Variants in SPTBN1 observed in about 807,000 individuals in gnomAD.
SPTBN1 encodes spectrin beta, non-erythrocytic 1, also known as spectrin beta chain, non-erythrocytic 1.
Under a neutral mutation model 266.4 loss-of-function variants are expected in SPTBN1, and 32 were observed. The observed-to-expected ratio is 0.12, with a 90% CI of 0.09 to 0.16. The LOEUF (loss-of-function observed/expected upper bound fraction) is 0.16, where lower values mean the gene tolerates loss of function less well. Among genes scored for constraint, SPTBN1 ranks in the 10% least tolerant of loss-of-function variants. The probability of loss-of-function intolerance (pLI) is 1.00; values close to 1 mark genes in which losing one functional copy is unlikely to be tolerated. For missense variants in SPTBN1, 2,296 were observed against 3,067.1 expected (o/e 0.75, Z 5.94); for synonymous variants, 1,336 against 1,162.2 (o/e 1.15, Z -3.04).
At chr2:54,592,295 ATGG>A (rs1427146522) in intron 2 of SPTBN1, among the ~76,000 whole-genome samples, 1 of 152,244 alleles carries the variant, frequency 6.6e-6, no homozygotes, top group Non-Finnish European at 1.5e-5. Flanking sequence ...GAAGAGGATG[ATGG>A]TGGAGAGGAT....
At chr2:54,524,788 C>T (rs747093222) in intron 1 of SPTBN1, among the ~76,000 whole-genome samples, 1 of 152,310 alleles carries the variant, frequency 6.6e-6, no homozygotes, top group African/African-American at 2.4e-5. Context: ...TTGAACTTGC[C>T]GTTCCTCCTG....
intron 1 of SPTBN1, among the ~76,000 whole-genome samples, chr2:54,483,334 T>G (rs1668193123): frequency 6.6e-6 from 1 of 152,218 alleles, no homozygotes; most frequent in Admixed American, 6.5e-5. Context: ...TGTTCCATGT[T>G]TGTTCAGACA....
rs376808829 is a variant in SPTBN1 at position 54,629,281 on chromosome 2, G to A, written c.2147G>A (p.Arg716His). 181 of 1,613,948 alleles carry A rather than the reference G, an allele frequency of 1.1e-4. No individual in the cohort carries two copies. The highest frequency in any genetic ancestry group is 1.5e-4 in the Non-Finnish European group (172 of 1,180,054). ...GAGCACTTCGGGTCGGAGAAGATCC[G>A]TGAGAGGATCATTTACATCCGGGAG... ...AEEHFGSEKI[R>H]ERIIYIREQW... Residue 716 changes from arginine to histidine, a missense_variant, in exon 14 of 36, where the codon CGT (arginine) becomes CAT (histidine). Physicochemically the swap from Arg to His is conservative, Grantham distance 29 (BLOSUM62 0). Coordinates refer to ENST00000356805, the MANE Select transcript of SPTBN1 (RefSeq NM_003128.3).
In SPTBN1 at chr2:54,653,575, G is replaced by A. The variant is rs772489734; in HGVS notation, c.5578-34G>A. ...GGTGATGGTGGGAAGGCCGCCATGG[G>A]CTGACCTGGCTCATCCCCTACATGG... On this transcript the variant is annotated intron_variant, in intron 26 of 35. Transcript: ENST00000356805. The surrounding 1 kb of genome is among the most constrained non-coding windows in gnomAD (Gnocchi z 5.1). The A allele has an allele frequency of 3.1e-6, 5 of 1,605,706 alleles. No homozygotes were observed. The Admixed American group carries it at 8.7e-5, about 28-fold the overall frequency.
chr2:54,652,544 A>T (rs1340508837), intron 26 of SPTBN1: 3 of 152,230 alleles, frequency 2.0e-5, no homozygotes, highest in African/African-American at 7.2e-5. Context: ...GCAGTAAATA[A>T]TCTATGCATA....
rs550973670 is a variant in SPTBN1 at position 54,638,125 on chromosome 2, G to A, written c.3858+322G>A. ...ACTATAATTACATAAAACTAAGAGC[G>A]TGGTTCTTCCATCACTAGCTGTATT... On this transcript the variant is annotated intron_variant, in intron 18 of 35. Transcript: ENST00000356805. Among the ~76,000 whole-genome samples the A allele has an allele frequency of 5.3e-5, 8 of 152,310 alleles. No homozygotes were observed. The South Asian group carries it at 1.2e-3, about 24-fold the overall frequency.
At position 54,612,299 on chromosome 2, in the gene SPTBN1, C is replaced by T. The variant is rs1405074069; in HGVS notation, c.439C>T (p.Leu147Phe). The change falls in exon 4 of 36, where the codon CTT becomes TTT. Residue 147 changes from leucine to phenylalanine, a missense_variant. Around this residue, in one of 12 missense-constraint regions of SPTBN1, gnomAD observed 178 missense variants for 375.7 expected, o/e 0.47. Coordinates refer to ENST00000356805, the MANE Select transcript of SPTBN1 (RefSeq NM_003128.3). ...DIVDGNHRLT[L>F]GLIWTIILRF... is the part of the protein sequence containing the mutation. Reference sequence around the variant, plus strand: ...CGTGGATGGAAACCACCGGCTGACCCTTGGCCTCATCTGGACCATCATCCT... The same window carrying T: ...CGTGGATGGAAACCACCGGCTGACCTTTGGCCTCATCTGGACCATCATCCT... 6.2e-7 allele frequency: 1 copy of T among 1,613,918 alleles called. No individual in the cohort carries two copies.
chr2:54,557,180 G>C (rs1438061072), intron 2 of SPTBN1, among the ~76,000 whole-genome samples: 1 of 152,196 alleles, frequency 6.6e-6, no homozygotes, highest in Non-Finnish European at 1.5e-5. Flanking sequence ...GCTAGGCTCT[G>C]GGTTTAATTC....
chr2:54,618,610 G>T (rs1431607031), intron 7 of SPTBN1, among the ~76,000 whole-genome samples: 1 of 152,238 alleles, frequency 6.6e-6, no homozygotes, highest in Non-Finnish European at 1.5e-5. Flanking sequence ...TGTGCTCGAA[G>T]TAGAAAAGTA....
chr2:54,579,944 T>C (rs1297630443), intron 2 of SPTBN1, among the ~76,000 whole-genome samples: 1 of 152,236 alleles, frequency 6.6e-6, no homozygotes, highest in Non-Finnish European at 1.5e-5. Flanking sequence ...CTCTCCTTTC[T>C]GAGGGTAAAA....
At chr2:54,586,789 C>G (rs192858023) in intron 2 of SPTBN1, among the ~76,000 whole-genome samples, 1 of 152,106 alleles carries the variant, frequency 6.6e-6, no homozygotes, top group South Asian at 2.1e-4. Context: ...GGAGAGCTGT[C>G]GGAAACTGTC....
At chr2:54,531,478 C>A (rs564652113) in intron 2 of SPTBN1, among the ~76,000 whole-genome samples, 33 of 152,090 alleles carry the variant, frequency 2.2e-4, no homozygotes, top group Non-Finnish European at 2.6e-4. Flanking sequence ...GGCTAGAGTA[C>A]AGTGGTAGAG....
intron 3 of SPTBN1, among the ~76,000 whole-genome samples, chr2:54,605,725 T>C (rs1035504081): frequency 6.6e-6 from 1 of 152,232 alleles, no homozygotes; most frequent in Non-Finnish European, 1.5e-5. Context: ...GAACACACGT[T>C]GTGGGAGTGT....
intron 3 of SPTBN1, among the ~76,000 whole-genome samples, chr2:54,611,447 T>A (rs1677205529): frequency 6.6e-6 from 1 of 152,154 alleles, no homozygotes; most frequent in Admixed American, 6.5e-5. Flanking sequence ...GATGTATATA[T>A]ACACATATGC....
chr2:54,481,105 T>C (rs1312064208), intron 1 of SPTBN1, among the ~76,000 whole-genome samples: 1 of 151,908 alleles, frequency 6.6e-6, no homozygotes, highest in African/African-American at 2.4e-5. Context: ...CCCAGGAGTT[T>C]GAGGCCAGCC....
At chr2:54,633,685 CCCTT>C (rs1367372113) in intron 17 of SPTBN1, among the ~76,000 whole-genome samples, 1 of 152,182 alleles carries the variant, frequency 6.6e-6, no homozygotes. Flanking sequence ...AAAAAACAAG[CCCTT>C]CCTTTCTGCC....
intron 2 of SPTBN1, among the ~76,000 whole-genome samples, chr2:54,595,077 AC>A (rs1158605466): frequency 2.0e-5 from 3 of 151,728 alleles, no homozygotes; most frequent in Non-Finnish European, 4.4e-5. Context: ...CAGGAGATCC[AC>A]CTCTCAGCCT....
intron 2 of SPTBN1, among the ~76,000 whole-genome samples, chr2:54,570,092 T>C (rs1351142141): frequency 2.6e-5 from 4 of 152,102 alleles, no homozygotes; most frequent in South Asian, 2.1e-4. Flanking sequence ...GGAGCAGCTA[T>C]TGCTGCAGCC....
Position 54,645,461 on chromosome 2 carries a change from G to C in SPTBN1, c.4494+8G>C. 6.2e-7 allele frequency: 1 copy of C among 1,613,310 alleles called. No homozygotes were observed. The highest frequency in any genetic ancestry group is 8.5e-7 in the Non-Finnish European group (1 of 1,179,694). On this transcript the variant is annotated splice_region_variant and intron_variant, in intron 21 of 35. Coordinates refer to ENST00000356805, the MANE Select transcript of SPTBN1 (RefSeq NM_003128.3). This position sits in a 1 kb window ranked among gnomAD's most constrained non-coding sequence, Gnocchi z 4.3. ...GATGTGGAGGACGAGATCGTGAGTCGACCCCTACTGCACACATGGCTTTTC... is the reference window on the plus strand; with the variant it reads ...GATGTGGAGGACGAGATCGTGAGTCCACCCCTACTGCACACATGGCTTTTC...
Sources: allele counts gnomAD v4.1 joint callset (sites outside exome capture counted in the v4.1 genomes callset), GRCh38; gene constraint gnomAD v4.1.1; regional missense constraint gnomAD v4.1.1; non-coding constraint Gnocchi (gnomAD v3.1); transcripts MANE v1.5; gene names NCBI Gene and HGNC (gene_info 2026-07-23, HGNC 2026-07-21).